Variants in BMP7 observed in about 807,000 individuals in gnomAD.
BMP7 encodes osteogenic protein 1.
BMP7 carries 12 observed loss-of-function variants against 41.2 expected under a neutral mutation model. The ratio of observed to expected loss-of-function variants is 0.29; its 90% CI spans 0.19 to 0.47. The LOEUF is 0.47. Among genes scored for constraint, BMP7 ranks in the 20% least tolerant of loss-of-function variants. The pLI is 0.99. For missense variants in BMP7, 467 were observed against 606.0 expected (o/e 0.77, Z 2.41); for synonymous variants, 248 against 250.0 (o/e 0.99, Z 0.07).
At chr20:57,262,383 T>C (rs2066157668) in intron 1 of BMP7, among the ~76,000 whole-genome samples, 1 of 152,188 alleles carries the variant, frequency 6.6e-6, no homozygotes, top group Non-Finnish European at 1.5e-5. Flanking sequence ...TCAGTTCACA[T>C]TGCCTGGGGC....
intron 2 of BMP7, among the ~76,000 whole-genome samples, chr20:57,211,628 TC>T (rs934263374): frequency 3.3e-5 from 5 of 150,532 alleles, no homozygotes; most frequent in Non-Finnish European, 1.5e-5. Context: ...TCCTGGATTA[TC>T]CTCATGGGCC....
At chr20:57,234,808 G>C (rs1350154485) in intron 1 of BMP7, among the ~76,000 whole-genome samples, 1 of 152,230 alleles carries the variant, frequency 6.6e-6, no homozygotes. Context: ...TCCACAGCCT[G>C]ATGCTTAGCA....
intron 3 of BMP7, among the ~76,000 whole-genome samples, chr20:57,198,620 A>T (rs1984556588): frequency 6.6e-6 from 1 of 152,106 alleles, no homozygotes; most frequent in South Asian, 2.1e-4. Flanking sequence ...CCCAGCTGGG[A>T]GGAAGAGGGA....
At position 57,171,270 on chromosome 20, in the gene BMP7, A is replaced by G. The variant is rs943247796; in HGVS notation, c.1147-162T>C. Among the ~76,000 whole-genome samples, 23 of 152,174 alleles carry G rather than the reference A, an allele frequency of 1.5e-4. No homozygotes were observed. The highest frequency in any genetic ancestry group is 5.3e-4 in the African/African-American group (22 of 41,424). The stretch of plus-strand genomic sequence containing the variant: ...CTGTTCTAAGCACTTTACATGGACA[A>G]CTCAGTTCTGGGATTATCCCTGTTT... On this transcript the variant is annotated intron_variant, in intron 6 of 6. Coordinates refer to ENST00000395863, the MANE Select transcript of BMP7 (RefSeq NM_001719.3). The surrounding 1 kb of genome is among the most constrained non-coding windows in gnomAD (Gnocchi z 4.5).
chr20:57,263,346 G>A (rs1427970431), intron 1 of BMP7, among the ~76,000 whole-genome samples: 1 of 152,184 alleles, frequency 6.6e-6, no homozygotes. Context: ...ACAGCCAGAG[G>A]AGGAAAACCA....
chr20:57,175,222 G>GCCC (rs1322627811), intron 4 of BMP7, among the ~76,000 whole-genome samples: 2 of 152,298 alleles, frequency 1.3e-5, no homozygotes, highest in East Asian at 3.9e-4. Flanking sequence ...AGGTGCCAAT[G>GCCC]CCCCATTCCT....
intron 1 of BMP7, among the ~76,000 whole-genome samples, chr20:57,247,488 C>T (rs1218258140): frequency 6.6e-6 from 1 of 152,142 alleles, no homozygotes; most frequent in Non-Finnish European, 1.5e-5. Context: ...AAATATTTTT[C>T]AGAACCACCT....
At chr20:57,211,886 C>A (rs1984893554) in intron 2 of BMP7, among the ~76,000 whole-genome samples, 1 of 152,192 alleles carries the variant, frequency 6.6e-6, no homozygotes, top group Admixed American at 6.5e-5. Flanking sequence ...TTCAGACCTC[C>A]CAAACTCTAA....
rs546274371 is a variant in BMP7, at chr20:57,171,288, C to T, written c.1147-180G>A. On this transcript the variant is annotated intron_variant, in intron 6 of 6. Transcript: ENST00000395863. The surrounding 1 kb of genome is among the most constrained non-coding windows in gnomAD (Gnocchi z 4.5). ...ATGGACAACTCAGTTCTGGGATTATCCCTGTTTTGCAGACAAGGGAACCAA... is the reference window on the plus strand; with the variant it reads ...ATGGACAACTCAGTTCTGGGATTATTCCTGTTTTGCAGACAAGGGAACCAA... 3.5e-4 allele frequency among the ~76,000 whole-genome samples: 54 copies of T among 152,352 alleles called. No homozygotes were observed. In the South Asian group the frequency reaches 7.5e-3, roughly 21 times the overall value.
rs1246204936 is a variant in BMP7, at chr20:57,175,122, T to C, written c.959-115A>G. The C allele has an allele frequency of 1.1e-5, 12 of 1,131,852 alleles. No homozygotes were observed. In the East Asian group the frequency reaches 2.6e-4, roughly 24 times the overall value. The allele number at this position is 1,131,852 out of a possible 1,614,324, so 70.1% of individuals were successfully genotyped here. The stretch of plus-strand genomic sequence containing the variant: ...TGAACAGCAATGAAGCACAGACGGC[T>C]GGGGGGTAAATTTCCCGATTCAAAA... On this transcript the variant is annotated intron_variant, in intron 4 of 6. Transcript: ENST00000395863.
chr20:57,175,269 C>A (rs1000623313), intron 4 of BMP7, among the ~76,000 whole-genome samples: 17 of 152,212 alleles, frequency 1.1e-4, no homozygotes, highest in Non-Finnish European at 1.9e-4. Context: ...CTTTCTGGAA[C>A]CTTCTGCGGA....
In BMP7 at chr20:57,265,628, A is replaced by T. The variant is rs995861629; in HGVS notation, c.418+77T>A. On this transcript the variant is annotated intron_variant, in intron 1 of 6. Transcript: ENST00000395863. ...GAGCGGAAAGCTGGGCGGGCTGCATAGAAGAAGCGGCTCCCTCCCTCCCAG... is the reference window on the plus strand; with the variant it reads ...GAGCGGAAAGCTGGGCGGGCTGCATTGAAGAAGCGGCTCCCTCCCTCCCAG... 7 of 1,539,622 alleles carry T rather than the reference A, an allele frequency of 4.5e-6. No homozygotes were observed. The African/African-American group carries it at 9.6e-5, about 21-fold the overall frequency.
intron 2 of BMP7, chr20:57,225,894 AGGGCAGGGACTCGTGTCT>A: frequency 2.1e-6 from 1 of 470,334 alleles, no homozygotes; most frequent in Non-Finnish European, 4.4e-6. Flanking sequence ...GAGCTTCCAG[AGGGCAGGGACTCGTGTCT>A]GGTTCGTTCT....
chr20:57,173,791 C>T (rs1218182014), intron 5 of BMP7, among the ~76,000 whole-genome samples: 1 of 152,188 alleles, frequency 6.6e-6, no homozygotes, highest in Non-Finnish European at 1.5e-5. Flanking sequence ...TAGGTGGTCA[C>T]ACACTGGCAG....
chr20:57,220,803 T>A (rs925914830), intron 2 of BMP7, among the ~76,000 whole-genome samples: 3 of 152,226 alleles, frequency 2.0e-5, no homozygotes, highest in African/African-American at 7.2e-5. Context: ...TGGGCTCAGA[T>A]GCTGAAGAAA....
intron 1 of BMP7, among the ~76,000 whole-genome samples, chr20:57,265,262 G>T (rs1227837252): frequency 1.3e-5 from 2 of 152,288 alleles, no homozygotes; most frequent in East Asian, 3.9e-4. Context: ...GGGTAAGGGG[G>T]TGCGACGGCC....
intron 2 of BMP7, among the ~76,000 whole-genome samples, chr20:57,208,398 C>T (rs1049112614): frequency 6.6e-6 from 1 of 152,180 alleles, no homozygotes; most frequent in Non-Finnish European, 1.5e-5. Context: ...CAGCACTTCA[C>T]ACCCACTAGG....
Position 57,261,005 on chromosome 20 carries a change from G to A in BMP7, c.418+4700C>T, listed in dbSNP as rs1800082239. On this transcript the variant is annotated intron_variant, in intron 1 of 6. Transcript: ENST00000395863. The surrounding 1 kb of genome is among the most constrained non-coding windows in gnomAD (Gnocchi z 4.1). Reference sequence around the variant, plus strand: ...TAGGGCACGCTGATTCTTGCAATGGGCCAAATATGACCTTACCAAATGAGG... The same window carrying A: ...TAGGGCACGCTGATTCTTGCAATGGACCAAATATGACCTTACCAAATGAGG... 6.6e-6 allele frequency among the ~76,000 whole-genome samples: 1 copy of A among 152,202 alleles called. No individual in the cohort carries two copies. Among genetic ancestry groups the A allele is most frequent in the African/African-American group, 2.4e-5 (1 of 41,448 alleles).
intron 2 of BMP7, among the ~76,000 whole-genome samples, chr20:57,227,244 G>T (rs1254897041): frequency 1.3e-5 from 2 of 152,138 alleles, no homozygotes; most frequent in Non-Finnish European, 1.5e-5. Context: ...TTTGGCTTCA[G>T]GTCACTTTAG....
Sources: allele counts gnomAD v4.1 joint callset (sites outside exome capture counted in the v4.1 genomes callset), GRCh38; gene constraint gnomAD v4.1.1; non-coding constraint Gnocchi (gnomAD v3.1); transcripts MANE v1.5; gene names NCBI Gene and HGNC (gene_info 2026-07-23, HGNC 2026-07-21).